The following ZFHX4 variants were observed in gnomAD, a reference collection of about 807,000 sequenced individuals.
ZFHX4 encodes zinc finger homeobox protein 4.
Under a neutral mutation model 267.6 loss-of-function variants are expected in ZFHX4, and 56 were observed. That is an observed-to-expected ratio of 0.21 (90% CI 0.17 to 0.26). The LOEUF is 0.26. Among genes scored for constraint, ZFHX4 ranks in the 10% least tolerant of loss-of-function variants. The pLI, the probability that ZFHX4 is intolerant of heterozygous loss-of-function variation, is 1.00. For missense variants in ZFHX4, 4,332 were observed against 4,420.0 expected (o/e 0.98, Z 0.56); for synonymous variants, 1,778 against 1,665.6 (o/e 1.07, Z -1.64).
intron 4 of ZFHX4, among the ~76,000 whole-genome samples, chr8:76,785,385 A>T (rs563161778): frequency 3.3e-5 from 5 of 152,156 alleles, no homozygotes; most frequent in Non-Finnish European, 7.4e-5. Flanking sequence ...TATAATGGAA[A>T]TCGGTGAAAA....
intron 3 of ZFHX4, among the ~76,000 whole-genome samples, chr8:76,739,911 T>C (rs974705572): frequency 6.6e-6 from 1 of 152,154 alleles, no homozygotes; most frequent in African/African-American, 2.4e-5. Context: ...AAAATGTACT[T>C]GTAACTTTCA....
rs1812048010 is a variant in ZFHX4 at position 76,835,231 on chromosome 8, A to ATATATACATG, written c.3394+1831_3394+1832insCATGTATATA. Among the ~76,000 whole-genome samples the ATATATACATG allele has an allele frequency of 2.6e-4, 32 of 124,790 alleles. 1 individual carries two copies. The highest frequency in any genetic ancestry group is 8.9e-4 in the African/African-American group (26 of 29,212). 81.9% of individuals were successfully genotyped at this position (124,790 alleles called of 152,430 possible). ...GGTGTATATATATGTATATATATAT[A>ATATATACATG]TATATATATGTATATATATATATAT... On this transcript the variant is annotated intron_variant, in intron 5 of 10. Transcript: ENST00000651372.
In ZFHX4 at chr8:76,854,404, T is replaced by C; in HGVS notation, c.7483T>C (p.Cys2495Arg). The C allele has an allele frequency of 6.2e-7, 1 of 1,613,962 alleles. No homozygotes were observed. Among genetic ancestry groups the C allele is most frequent in the South Asian group, 1.1e-5 (1 of 91,080 alleles). The change falls in exon 10 of 11, where the codon TGT becomes CGT. Residue 2495 changes from cysteine (C) to arginine (R), a missense_variant. Physicochemically the swap from Cys to Arg is radical, Grantham distance 180 (BLOSUM62 -3). This residue lies in a region of ZFHX4 where 1,648 missense variants were observed against 1,625.0 expected (regional missense o/e 1.01). Transcript: ENST00000651372. ...SLPPQLLQYQCDQCTVAFPTL... is the reference protein window; with the variant it reads ...SLPPQLLQYQRDQCTVAFPTL... Reference sequence around the variant, plus strand: ...ACCTCCACAGTTACTACAATACCAATGTGATCAGTGTACAGTTGCCTTCCC... The same window carrying C: ...ACCTCCACAGTTACTACAATACCAACGTGATCAGTGTACAGTTGCCTTCCC...
chr8:76,814,340 T>C (rs1811449060), intron 4 of ZFHX4, among the ~76,000 whole-genome samples: 1 of 152,206 alleles, frequency 6.6e-6, no homozygotes, highest in Admixed American at 6.5e-5. Flanking sequence ...GAAAAAGTTT[T>C]ACATCAATAT....
intron 4 of ZFHX4, among the ~76,000 whole-genome samples, chr8:76,808,592 A>G (rs1482465303): frequency 6.6e-6 from 1 of 152,154 alleles, no homozygotes; most frequent in Non-Finnish European, 1.5e-5. Flanking sequence ...TTGAATGGAT[A>G]AGTGTCGCAG....
rs1452513137 is a variant in ZFHX4 at position 76,853,159 on chromosome 8, T to C, written c.6238T>C (p.Ser2080Pro). Residue 2080 changes from serine to proline, a missense_variant, in exon 10 of 11, where the codon TCC (serine) becomes CCC (proline). By Grantham distance (74) the Ser-to-Pro change is moderately conservative. This residue lies in a region of ZFHX4 where 1,371 missense variants were observed against 1,423.1 expected (regional missense o/e 0.96). Coordinates refer to ENST00000651372, the MANE Select transcript of ZFHX4 (RefSeq NM_024721.5). ...PVSLDLPLFP[S>P]IMMQPVQHPA... is the part of the protein sequence containing the mutation. ...TTCTCTGGACCTGCCGCTCTTTCCT[T>C]CCATTATGATGCAACCTGTGCAACA... The C allele has an allele frequency of 6.5e-7, 1 of 1,544,858 alleles. No individual in the cohort carries two copies. The highest frequency in any genetic ancestry group is 2.5e-5 in the East Asian group (1 of 40,520).
intron 4 of ZFHX4, among the ~76,000 whole-genome samples, chr8:76,810,120 T>C (rs1811338924): frequency 1.3e-5 from 2 of 152,234 alleles, no homozygotes; most frequent in African/African-American, 4.8e-5. Context: ...ACATTTGTTA[T>C]TCTTATAAAC....
At chr8:76,740,196 G>C (rs1280799848) in intron 3 of ZFHX4, among the ~76,000 whole-genome samples, 1 of 151,922 alleles carries the variant, frequency 6.6e-6, no homozygotes, top group Non-Finnish European at 1.5e-5. Flanking sequence ...AAATTCTGAT[G>C]GGAGAGATTC....
At chr8:76,682,375 G>T (rs1318511416) in intron 1 of ZFHX4, among the ~76,000 whole-genome samples, 1 of 152,154 alleles carries the variant, frequency 6.6e-6, no homozygotes, top group Non-Finnish European at 1.5e-5. Context: ...GCTCTGGGGA[G>T]GGGATTCCAA....
chr8:76,738,232 C>T (rs930531048), intron 3 of ZFHX4, among the ~76,000 whole-genome samples: 5 of 152,032 alleles, frequency 3.3e-5, no homozygotes, highest in Non-Finnish European at 5.9e-5. Context: ...ACCCTAGGTG[C>T]CCCCATTAAG....
At chr8:76,763,526 G>A (rs1293898372) in intron 3 of ZFHX4, among the ~76,000 whole-genome samples, 2 of 152,138 alleles carry the variant, frequency 1.3e-5, no homozygotes, top group Non-Finnish European at 2.9e-5. Context: ...AGGTGGCTGA[G>A]GTGGGAGGAT....
Position 76,705,876 on chromosome 8 carries a change from T to C in ZFHX4, c.1788T>C (p.Ser596=). 1 of 1,613,500 alleles carries C rather than the reference T, an allele frequency of 6.2e-7. No individual in the cohort carries two copies. Among genetic ancestry groups the C allele is most frequent in the Non-Finnish European group, 8.5e-7 (1 of 1,179,840 alleles). ...ATPHQHGFTP[S]TPGTPGPGGD... Reference sequence around the variant, plus strand: ...CTCACCAGCATGGCTTTACCCCGAGTACTCCTGGCACACCAGGGCCTGGAG... The same window carrying C: ...CTCACCAGCATGGCTTTACCCCGAGCACTCCTGGCACACCAGGGCCTGGAG... The change falls in exon 2 of 11, where the codon AGT becomes AGC. Residue 596 remains serine (S), a synonymous_variant. Coordinates refer to ENST00000651372, the MANE Select transcript of ZFHX4 (RefSeq NM_024721.5).
chr8:76,853,141 G>A lies in ZFHX4; in HGVS notation c.6220G>A (p.Asp2074Asn). Residue 2074 changes from aspartate (D) to asparagine (N), a missense_variant, in exon 10 of 11, where the codon GAC becomes AAC. By Grantham distance (23) the Asp-to-Asn change is conservative. Transcript: ENST00000651372. ...PPQVQLPVSLDLPLFPSIMMQ... is the reference protein window; with the variant it reads ...PPQVQLPVSLNLPLFPSIMMQ... ...ACAGGTCCAACTGCCGGTTTCTCTGGACCTGCCGCTCTTTCCTTCCATTAT... is the reference window on the plus strand; with the variant it reads ...ACAGGTCCAACTGCCGGTTTCTCTGAACCTGCCGCTCTTTCCTTCCATTAT... 1 of 1,534,784 alleles carries A rather than the reference G, an allele frequency of 6.5e-7. No homozygotes were observed. The highest frequency in any genetic ancestry group is 1.2e-5 in the South Asian group (1 of 83,716).
intron 3 of ZFHX4, among the ~76,000 whole-genome samples, chr8:76,760,374 A>G (rs181116370): frequency 6.6e-6 from 1 of 152,270 alleles, no homozygotes. Flanking sequence ...AGCATCTACA[A>G]TGTGCTAAGG....
At chr8:76,828,792 G>A (rs1158783720) in intron 4 of ZFHX4, among the ~76,000 whole-genome samples, 1 of 152,144 alleles carries the variant, frequency 6.6e-6, no homozygotes, top group Non-Finnish European at 1.5e-5. Context: ...TGGGCTTATT[G>A]TAAATGAAAA....
intron 1 of ZFHX4, among the ~76,000 whole-genome samples, chr8:76,699,885 AT>A (rs1032942651): frequency 2.6e-5 from 4 of 151,962 alleles, no homozygotes; most frequent in Admixed American, 6.6e-5. Context: ...ACTTTGATGG[AT>A]TTTTTTCATC....
intron 4 of ZFHX4, among the ~76,000 whole-genome samples, chr8:76,802,960 T>C (rs1220844616): frequency 6.6e-6 from 1 of 152,166 alleles, no homozygotes; most frequent in East Asian, 1.9e-4. Context: ...CTAATGGTAC[T>C]TATTTAGACT....
At chr8:76,813,770 G>A (rs1811435307) in intron 4 of ZFHX4, among the ~76,000 whole-genome samples, 1 of 152,080 alleles carries the variant, frequency 6.6e-6, no homozygotes, top group African/African-American at 2.4e-5. Flanking sequence ...TTAATAATCT[G>A]TGTTCTATGT....
Position 76,864,055 on chromosome 8 carries a change from T to C in ZFHX4, c.10341T>C (p.Tyr3447=). The part of the protein sequence containing the change: ...ETVLRVPVSK[Y]QCLACDVAIS... ...TGCTTCGTGTCCCAGTCAGCAAATA[T>C]CAGTGTCTTGCCTGTGATGTGGCTA... The change falls in exon 11 of 11, where the codon TAT becomes TAC. Residue 3447 remains tyrosine, a synonymous_variant. Transcript: ENST00000651372. 1 of 1,613,890 alleles carries C rather than the reference T, an allele frequency of 6.2e-7. No individual in the cohort carries two copies. The highest frequency in any genetic ancestry group is 8.5e-7 in the Non-Finnish European group (1 of 1,179,858).
Sources: allele counts gnomAD v4.1 joint callset (sites outside exome capture counted in the v4.1 genomes callset), GRCh38; gene constraint gnomAD v4.1.1; regional missense constraint gnomAD v4.1.1; transcripts MANE v1.5; gene names NCBI Gene and HGNC (gene_info 2026-07-23, HGNC 2026-07-21).